OCA2: variants seen among roughly 807,000 people sequenced by gnomAD.
The protein encoded by OCA2 is P protein.
A neutral mutation model predicts 100.2 loss-of-function variants in OCA2; 77 were observed. The observed-to-expected ratio is 0.77, with a 90% confidence interval of 0.64 to 0.93. OCA2 has a LOEUF of 0.93. Ranked by LOEUF, OCA2 falls within the 40% of genes least tolerant of loss-of-function variation. OCA2 has a pLI of 0.00. For missense variants in OCA2, 1,062 were observed against 1,089.1 expected (o/e 0.98, Z 0.35); for synonymous variants, 432 against 439.2 (o/e 0.98, Z 0.21).
chr15:28,035,634 C>A (rs566962292), intron 2 of OCA2, among the ~76,000 whole-genome samples: 1 of 152,286 alleles, frequency 6.6e-6, no homozygotes, highest in South Asian at 2.1e-4. Flanking sequence ...CCTGACTTTT[C>A]CTCTTCTGAA....
intron 2 of OCA2, among the ~76,000 whole-genome samples, chr15:28,073,530 A>C (rs956912018): frequency 6.6e-6 from 1 of 152,228 alleles, no homozygotes; most frequent in Non-Finnish European, 1.5e-5. Context: ...CTCACTTATA[A>C]ATGGGAGTTA....
intron 18 of OCA2, among the ~76,000 whole-genome samples, chr15:27,936,642 C>T (rs2039463246): frequency 6.6e-6 from 1 of 152,156 alleles, no homozygotes; most frequent in Non-Finnish European, 1.5e-5. Context: ...AGCCTAGCTC[C>T]AACACTCAGT....
intron 14 of OCA2, among the ~76,000 whole-genome samples, chr15:27,971,524 G>C (rs984578944): frequency 2.6e-5 from 4 of 152,156 alleles, no homozygotes; most frequent in Admixed American, 2.0e-4. Context: ...GCTTACCCAA[G>C]GGAGGCTTGT....
At chr15:27,741,228 A>G in the OCA2 span, among the ~76,000 whole-genome samples, 3 of 152,202 alleles carry the variant, frequency 2.0e-5, no homozygotes, top group Admixed American at 2.0e-4. Context: ...CACATCCCTT[A>G]CACACATAGA....
chr15:28,020,319 T>C (rs530069249), intron 6 of OCA2, among the ~76,000 whole-genome samples: 1 of 152,300 alleles, frequency 6.6e-6, no homozygotes, highest in Non-Finnish European at 1.5e-5. Flanking sequence ...CATCTCATCT[T>C]AGTGACCTAA....
intron 12 of OCA2, among the ~76,000 whole-genome samples, chr15:27,985,589 G>A (rs1160377166): frequency 2.6e-5 from 4 of 152,146 alleles, no homozygotes; most frequent in Admixed American, 6.5e-5. Flanking sequence ...ATAGTAAGGA[G>A]TAATAGACCA....
chr15:27,861,646 G>A (rs151225134), intron 21 of OCA2, among the ~76,000 whole-genome samples: 5 of 152,202 alleles, frequency 3.3e-5, no homozygotes, highest in African/African-American at 7.2e-5. Context: ...GTTCCAAGGG[G>A]GTCTCTCTCG....
chr15:28,090,049 A>ATATTCACGTAATAT (rs2044846484), intron 1 of OCA2, among the ~76,000 whole-genome samples: 1 of 152,228 alleles, frequency 6.6e-6, no homozygotes, highest in African/African-American at 2.4e-5. Context: ...AGGAGCGGTT[A>ATATTCACGTAATAT]TATTCACGTA....
intron 23 of OCA2, among the ~76,000 whole-genome samples, chr15:27,829,297 A>ATAGATAGATAGATAGATAGT (rs1433056182): frequency 7.4e-5 from 11 of 148,642 alleles, no homozygotes; most frequent in East Asian, 2.0e-4. Context: ...AGATAGATAG[A>ATAGATAGATAGATAGATAGT]TAGATAGATA....
intron 23 of OCA2, among the ~76,000 whole-genome samples, chr15:27,843,200 G>A (rs1420800881): frequency 6.6e-6 from 1 of 152,166 alleles, no homozygotes; most frequent in Non-Finnish European, 1.5e-5. Context: ...GCCAACCAAA[G>A]AAGAGGAGAT....
chr15:28,037,853 G>A (rs570578526), intron 2 of OCA2, among the ~76,000 whole-genome samples: 1 of 152,168 alleles, frequency 6.6e-6, no homozygotes, highest in African/African-American at 2.4e-5. Context: ...ATCCCAGCCT[G>A]AGGATTGTGC....
intron 15 of OCA2, among the ~76,000 whole-genome samples, chr15:27,964,299 C>T (rs1697427367): frequency 6.6e-6 from 1 of 152,186 alleles, no homozygotes; most frequent in African/African-American, 2.4e-5. Flanking sequence ...CCCTAATGTA[C>T]ACAAAAACAA....
At chr15:28,033,702 G>C (rs1309496191) in intron 2 of OCA2, among the ~76,000 whole-genome samples, 1 of 152,198 alleles carries the variant, frequency 6.6e-6, no homozygotes, top group African/African-American at 2.4e-5. Flanking sequence ...AACTTTGCCA[G>C]ATGAAGGTAG....
At chr15:27,764,626 C>T (rs2031110288) in intron 23 of OCA2, among the ~76,000 whole-genome samples, 2 of 152,150 alleles carry the variant, frequency 1.3e-5, no homozygotes, top group African/African-American at 2.4e-5. Context: ...CCCAGAGCCA[C>T]CAAGGTAGAG....
chr15:27,798,347 T>G (rs545719557), intron 23 of OCA2, among the ~76,000 whole-genome samples: 1 of 152,274 alleles, frequency 6.6e-6, no homozygotes, highest in South Asian at 2.1e-4. Context: ...TCCCCAAAGG[T>G]ACCAACAAAT....
chr15:27,894,242 G>C (rs555428209), intron 19 of OCA2, among the ~76,000 whole-genome samples: 1 of 152,286 alleles, frequency 6.6e-6, no homozygotes, highest in South Asian at 2.1e-4. Flanking sequence ...ACTCCCACCA[G>C]AGCTTGGGAT....
chr15:27,912,187 A>T (rs1367393419), intron 19 of OCA2, among the ~76,000 whole-genome samples: 4 of 152,340 alleles, frequency 2.6e-5, no homozygotes, highest in Admixed American at 2.6e-4. Context: ...GGATGTGTGG[A>T]TATGGGTGTT....
At chr15:27,995,282 CT>C (rs1444289958) in intron 9 of OCA2, among the ~76,000 whole-genome samples, 8 of 152,326 alleles carry the variant, frequency 5.3e-5, no homozygotes, top group African/African-American at 1.9e-4. Flanking sequence ...ATAGACCGAA[CT>C]TTCCACCCAA....
At chr15:27,977,194 A>T (rs932069212) in intron 14 of OCA2, among the ~76,000 whole-genome samples, 3 of 151,986 alleles carry the variant, frequency 2.0e-5, no homozygotes, top group African/African-American at 7.2e-5. Flanking sequence ...AATATTATTG[A>T]TCTTGTCAAA....
Sources: allele counts gnomAD v4.1 joint callset (sites outside exome capture counted in the v4.1 genomes callset), GRCh38; gene constraint gnomAD v4.1.1; transcripts MANE v1.5; gene names NCBI Gene and HGNC (gene_info 2026-07-23, HGNC 2026-07-21).